The following DIAPH2 variants were observed in gnomAD, a reference collection of about 807,000 sequenced individuals.
DIAPH2 encodes the protein diaphanous related formin 2.
DIAPH2 carries 35 observed loss-of-function variants against 92.7 expected under a neutral mutation model. The observed-to-expected ratio is 0.38, with a 90% confidence interval of 0.29 to 0.50. The LOEUF (loss-of-function observed/expected upper bound fraction) is 0.50, where lower values mean the gene tolerates loss of function less well. DIAPH2 is among the 20% of genes least tolerant of loss of function. DIAPH2 has a pLI of 0.94. For missense variants in DIAPH2, 701 were observed against 819.5 expected (o/e 0.86, Z 1.77); for synonymous variants, 301 against 280.4 (o/e 1.07, Z -0.73).
At chrX:97,338,124 G>A (rs2069081335) in intron 23 of DIAPH2, among the ~76,000 whole-genome samples, 2 of 110,334 alleles carry the variant, frequency 1.8e-5, no homozygotes, top group Admixed American at 9.8e-5. Context: ...TGCCCGCCTC[G>A]GCCTCCCAAA....
intron 22 of DIAPH2, among the ~76,000 whole-genome samples, chrX:97,202,897 T>C (rs2067764763): frequency 9.0e-6 from 1 of 111,014 alleles, no homozygotes; most frequent in Non-Finnish European, 1.9e-5. Flanking sequence ...TCAGCACTTA[T>C]TCTAAAATGG....
intron 4 of DIAPH2, among the ~76,000 whole-genome samples, chrX:96,820,469 CAAAAAG>C (rs1302649693): frequency 1.8e-5 from 2 of 109,862 alleles, no homozygotes; most frequent in African/African-American, 6.7e-5. Flanking sequence ...GACTCTGTCT[CAAAAAG>C]AGAAAAGAAA....
intron 26 of DIAPH2, among the ~76,000 whole-genome samples, chrX:97,537,877 G>A (rs1276237981): frequency 9.4e-6 from 1 of 106,571 alleles, no homozygotes; most frequent in Non-Finnish European, 1.9e-5. Flanking sequence ...CTTAAGCTAA[G>A]ACTAAATTCT....
At position 97,436,056 on chromosome X, in the gene DIAPH2, T is replaced by C. The variant is rs867114473; in HGVS notation, c.3241+6311T>C. 6.3e-5 allele frequency among the ~76,000 whole-genome samples: 7 copies of C among 111,239 alleles called. No homozygotes were observed. The East Asian group carries it at 8.5e-4, about 14-fold the overall frequency. On this transcript the variant is annotated intron_variant, in intron 26 of 26. Coordinates refer to ENST00000324765, the MANE Select transcript of DIAPH2 (RefSeq NM_006729.5). ...TCCTGACCTCGTGATCCACCCTCCT[T>C]GGCCTCCAAAAGTGCTGGGATTACA...
intron 20 of DIAPH2, 100 bp downstream of exon 20, chrX:97,099,895 T>G (rs2066895114): frequency 2.7e-6 from 1 of 374,771 alleles, no homozygotes; most frequent in Non-Finnish European, 4.5e-6. Context: ...TATTTTTTCA[T>G]TACTGTATTG....
intron 5 of DIAPH2, among the ~76,000 whole-genome samples, chrX:96,895,065 G>A (rs767235093): frequency 1.4e-4 from 14 of 100,529 alleles, no homozygotes; most frequent in African/African-American, 3.7e-4. Flanking sequence ...GTGTAGTGGC[G>A]CAATCTCGGC....
chrX:97,138,119 G>A (rs892217525), intron 21 of DIAPH2, among the ~76,000 whole-genome samples: 3 of 111,872 alleles, frequency 2.7e-5, no homozygotes, highest in South Asian at 3.7e-4. Flanking sequence ...TGTGACTGAC[G>A]TAGGTCATTA....
At chrX:97,150,633 G>T (rs1322528935) in intron 22 of DIAPH2, among the ~76,000 whole-genome samples, 1 of 111,437 alleles carries the variant, frequency 9.0e-6, no homozygotes, top group African/African-American at 3.3e-5. Flanking sequence ...TCTATAAAAA[G>T]CTTCTCCAAC....
At chrX:97,184,013 T>G in intron 22 of DIAPH2, among the ~76,000 whole-genome samples, 1 of 112,356 alleles carries the variant, frequency 8.9e-6, no homozygotes, top group Non-Finnish European at 1.9e-5. Flanking sequence ...TCCCATTTTT[T>G]GAGATTTTAT....
intron 1 of DIAPH2, among the ~76,000 whole-genome samples, chrX:96,691,152 A>T (rs2063796287): frequency 9.0e-6 from 1 of 111,698 alleles, no homozygotes; most frequent in South Asian, 3.8e-4. Flanking sequence ...ATTTATATAA[A>T]TCAGCACATC....
chrX:96,989,782 ACT>A (rs2066056426), intron 17 of DIAPH2, among the ~76,000 whole-genome samples: 1 of 111,230 alleles, frequency 9.0e-6, no homozygotes, highest in South Asian at 3.8e-4. Flanking sequence ...TTAAAAACCA[ACT>A]CCTTCAGACC....
intron 26 of DIAPH2, among the ~76,000 whole-genome samples, chrX:97,550,898 A>G (rs933916824): frequency 8.9e-6 from 1 of 111,821 alleles, no homozygotes; most frequent in Non-Finnish European, 1.9e-5. Context: ...GTCTTTGGTG[A>G]GAGGGCCTGT....
intron 1 of DIAPH2, among the ~76,000 whole-genome samples, chrX:96,695,165 G>A (rs2063818937): frequency 9.0e-6 from 1 of 111,244 alleles, no homozygotes; most frequent in African/African-American, 3.3e-5. Context: ...TGGCCAGGCT[G>A]GTCCTGAACT....
intron 5 of DIAPH2, chrX:96,884,545 G>T: frequency 8.3e-7 from 1 of 1,210,844 alleles, no homozygotes; most frequent in Non-Finnish European, 1.1e-6. Context: ...CATCGTGGGG[G>T]TAATCAGAGG....
intron 22 of DIAPH2, among the ~76,000 whole-genome samples, chrX:97,216,684 T>C (rs1007430222): frequency 2.7e-5 from 3 of 111,514 alleles, no homozygotes; most frequent in Non-Finnish European, 5.6e-5. Context: ...GCATGTAACA[T>C]TTGTATGATC....
intron 21 of DIAPH2, among the ~76,000 whole-genome samples, chrX:97,132,861 G>A (rs965409777): frequency 1.1e-4 from 12 of 111,557 alleles, no homozygotes; most frequent in Non-Finnish European, 1.7e-4. Flanking sequence ...TATGTGTATT[G>A]TGTGATGTTG....
At chrX:96,845,867 G>A (rs769429699) in intron 4 of DIAPH2, among the ~76,000 whole-genome samples, 33 of 111,514 alleles carry the variant, frequency 3.0e-4, no homozygotes, top group Non-Finnish European at 4.7e-4. Context: ...TGCAACCTCC[G>A]ACTCCTGGGT....
chrX:96,997,721 C>A (rs2066114263), intron 17 of DIAPH2, among the ~76,000 whole-genome samples: 1 of 111,488 alleles, frequency 9.0e-6, no homozygotes, highest in Admixed American at 9.5e-5. Flanking sequence ...TGCCCTTTCT[C>A]TAGGCAGGAC....
chrX:96,834,051 T>G (rs1236237239), intron 4 of DIAPH2, among the ~76,000 whole-genome samples: 2 of 111,697 alleles, frequency 1.8e-5, no homozygotes, highest in Non-Finnish European at 3.8e-5. Flanking sequence ...ACAACAGGAT[T>G]TGTTCAACAT....
Sources: gnomAD v4.1 joint callset for allele counts (sites outside exome capture counted in the v4.1 genomes callset) on GRCh38, gnomAD v4.1.1 for gene constraint, MANE v1.5 for transcripts, NCBI Gene and HGNC (gene_info 2026-07-23, HGNC 2026-07-21) for gene names.